COL25A1: variants seen among roughly 807,000 people sequenced by gnomAD.
COL25A1 encodes collagen alpha-1(XXV) chain.
Under a neutral mutation model 128.4 loss-of-function variants are expected in COL25A1, and 103 were observed. The observed-to-expected ratio is 0.80, with a 90% CI of 0.68 to 0.94. COL25A1 has a LOEUF of 0.94. Among genes scored for constraint, COL25A1 ranks in the 40% least tolerant of loss-of-function variants. The pLI, the probability that COL25A1 is intolerant of heterozygous loss-of-function variation, is 0.00. For synonymous variants in COL25A1, 279 were observed against 277.2 expected (o/e 1.01, Z -0.06); for missense variants, 745 against 840.0 (o/e 0.89, Z 1.40).
rs115964726 is a variant in COL25A1 at position 108,967,400 on chromosome 4, T to A, written c.492+6967A>T. Among the ~76,000 whole-genome samples, 325 of 152,318 alleles carry A rather than the reference T, an allele frequency of 2.1e-3. 2 individuals are homozygous for A. The highest frequency in any genetic ancestry group is 7.5e-3 in the African/African-American group (311 of 41,574). Reference sequence around the variant, plus strand: ...CAAACTAGAAGCTGAGAAAGCCAGGTTTAAATCCCATTTCTACCACTTACA... The same window carrying A: ...CAAACTAGAAGCTGAGAAAGCCAGGATTAAATCCCATTTCTACCACTTACA... On this transcript the variant is annotated intron_variant, in intron 8 of 37. Transcript: ENST00000399132.
At chr4:109,058,295 GGGGAAGGGGGC>G (rs1226241851) in intron 3 of COL25A1, among the ~76,000 whole-genome samples, 6 of 152,094 alleles carry the variant, frequency 3.9e-5, no homozygotes, top group Non-Finnish European at 8.8e-5. Flanking sequence ...TTCTACTTGT[GGGGAAGGGGGC>G]TGCAAGATGT....
intron 3 of COL25A1, among the ~76,000 whole-genome samples, chr4:109,203,022 T>G (rs562696993): frequency 2.6e-5 from 4 of 151,962 alleles, no homozygotes; most frequent in Non-Finnish European, 4.4e-5. Context: ...AAATAAAACC[T>G]TCTTCCCCCA....
intron 6 of COL25A1, among the ~76,000 whole-genome samples, chr4:109,004,338 A>C (rs1755757731): frequency 6.6e-6 from 1 of 152,146 alleles, no homozygotes; most frequent in Non-Finnish European, 1.5e-5. Context: ...TGCAAAATAA[A>C]ACCTTAGTAA....
At chr4:109,088,138 A>G (rs1764573737) in intron 3 of COL25A1, among the ~76,000 whole-genome samples, 1 of 151,936 alleles carries the variant, frequency 6.6e-6, no homozygotes, top group African/African-American at 2.4e-5. Context: ...GCTCTTATTG[A>G]CAGATGCTTT....
chr4:108,879,400 A>G (rs985866126), intron 19 of COL25A1, among the ~76,000 whole-genome samples: 3 of 151,546 alleles, frequency 2.0e-5, no homozygotes, highest in African/African-American at 7.3e-5. Flanking sequence ...TTTTCCCCCA[A>G]TTTGCTTTCT....
At chr4:109,162,633 G>A (rs1772686113) in intron 3 of COL25A1, among the ~76,000 whole-genome samples, 1 of 152,190 alleles carries the variant, frequency 6.6e-6, no homozygotes, top group African/African-American at 2.4e-5. Context: ...TTTAAAATGA[G>A]GTGGATAGTA....
intron 3 of COL25A1, among the ~76,000 whole-genome samples, chr4:109,257,896 T>C (rs534399587): frequency 2.0e-5 from 3 of 152,142 alleles, no homozygotes; most frequent in African/African-American, 2.4e-5. Context: ...GTCACCAACA[T>C]GGAGAAGGAA....
chr4:109,078,236 C>T (rs1443507712), intron 3 of COL25A1, among the ~76,000 whole-genome samples: 1 of 152,164 alleles, frequency 6.6e-6, no homozygotes. Flanking sequence ...TTTTGTTTTG[C>T]TTTGCTTTTT....
chr4:109,100,892 T>C (rs557775366), intron 3 of COL25A1, among the ~76,000 whole-genome samples: 2 of 152,212 alleles, frequency 1.3e-5, no homozygotes, highest in African/African-American at 2.4e-5. Flanking sequence ...AACTGAAAGG[T>C]AGACATTCAG....
At chr4:108,922,814 A>G (rs1366706281) in intron 11 of COL25A1, among the ~76,000 whole-genome samples, 1 of 152,210 alleles carries the variant, frequency 6.6e-6, no homozygotes, top group African/African-American at 2.4e-5. Context: ...ATTTAACATT[A>G]ATTTTGAATT....
At chr4:109,189,061 T>C (rs1334088490) in intron 3 of COL25A1, among the ~76,000 whole-genome samples, 2 of 152,192 alleles carry the variant, frequency 1.3e-5, no homozygotes, top group South Asian at 2.1e-4. Flanking sequence ...TTTAAAAAGA[T>C]GGATAATATT....
At chr4:109,080,402 A>G (rs1327991066) in intron 3 of COL25A1, among the ~76,000 whole-genome samples, 1 of 152,094 alleles carries the variant, frequency 6.6e-6, no homozygotes, top group Non-Finnish European at 1.5e-5. Flanking sequence ...ATCCTAATAG[A>G]AAAAAATATT....
chr4:108,910,223 T>A (rs1264959303), intron 13 of COL25A1, among the ~76,000 whole-genome samples: 1 of 152,204 alleles, frequency 6.6e-6, no homozygotes, highest in East Asian at 1.9e-4. Flanking sequence ...TAAATTATTC[T>A]TTCTCTTGGA....
At chr4:109,138,945 G>C (rs1339185979) in intron 3 of COL25A1, among the ~76,000 whole-genome samples, 4 of 152,136 alleles carry the variant, frequency 2.6e-5, no homozygotes, top group African/African-American at 9.7e-5. Context: ...CTGACCTTGT[G>C]ATCCGCCCAC....
intron 3 of COL25A1, among the ~76,000 whole-genome samples, chr4:109,176,379 A>G (rs529619769): frequency 2.0e-5 from 3 of 152,220 alleles, no homozygotes; most frequent in African/African-American, 7.2e-5. Flanking sequence ...ACAGAGTGAG[A>G]CTCTGCCTCA....
intron 8 of COL25A1, among the ~76,000 whole-genome samples, chr4:108,967,947 G>C (rs903081461): frequency 1.3e-5 from 2 of 152,038 alleles, no homozygotes; most frequent in South Asian, 4.1e-4. Context: ...CTTTACGCCC[G>C]GATACTCTAT....
intron 6 of COL25A1, among the ~76,000 whole-genome samples, chr4:109,006,755 C>A (rs1463818982): frequency 6.6e-6 from 1 of 152,072 alleles, no homozygotes; most frequent in East Asian, 1.9e-4. Context: ...TTTCTAAGTG[C>A]TCATATTTAT....
intron 8 of COL25A1, among the ~76,000 whole-genome samples, chr4:108,945,353 AAGTACAGGTGTTGACACCTATCTTC>A (rs1560910213): frequency 6.6e-6 from 1 of 152,138 alleles, no homozygotes; most frequent in Non-Finnish European, 1.5e-5. Context: ...TTGGTTTGTA[AAGTACAGGTGTTGACACCTATCTTC>A]AGTACAGGTG....
chr4:109,135,476 C>G (rs1769645765), intron 3 of COL25A1, among the ~76,000 whole-genome samples: 1 of 151,934 alleles, frequency 6.6e-6, no homozygotes, highest in Non-Finnish European at 1.5e-5. Flanking sequence ...AATTTTAATA[C>G]CACCTAAAAC....
Sources: allele counts gnomAD v4.1 joint callset (sites outside exome capture counted in the v4.1 genomes callset), GRCh38; gene constraint gnomAD v4.1.1; transcripts MANE v1.5; gene names NCBI Gene and HGNC (gene_info 2026-07-23, HGNC 2026-07-21).